SAXO1: variants seen among roughly 807,000 people sequenced by gnomAD.
SAXO1 encodes the protein stabilizer of axonemal microtubules 1.
In SAXO1, 21 loss-of-function variants were observed where a neutral mutation model predicts 17.5. The ratio of observed to expected loss-of-function variants is 1.20; its 90% CI spans 0.85 to 1.72. The LOEUF is 1.72. Among genes scored for constraint, SAXO1 ranks in the 40% most tolerant of loss-of-function variants. The pLI, the probability that SAXO1 is intolerant of heterozygous loss-of-function variation, is 0.00. For synonymous variants in SAXO1, 274 were observed against 216.5 expected, an observed-to-expected ratio of 1.27 and a Z score of -2.33; for missense variants, 843 against 596.0, an observed-to-expected ratio of 1.41 and a Z score of -4.32.
chr9:19,018,159 C>G (rs1167609683), intron 1 of SAXO1, among the ~76,000 whole-genome samples: 4 of 151,328 alleles, frequency 2.6e-5, no homozygotes, highest in African/African-American at 9.7e-5. Flanking sequence ...CAGAGCAAGA[C>G]CCCATCTCAA....
At chr9:19,004,496 G>T (rs1388192309) in intron 1 of SAXO1, among the ~76,000 whole-genome samples, 2 of 152,190 alleles carry the variant, frequency 1.3e-5, no homozygotes, top group Non-Finnish European at 2.9e-5. Flanking sequence ...ACTGGATAAA[G>T]AAAATGTGAC....
At chr9:19,024,537 T>C (rs535781963) in intron 1 of SAXO1, among the ~76,000 whole-genome samples, 3 of 152,188 alleles carry the variant, frequency 2.0e-5, no homozygotes, top group South Asian at 2.1e-4. Context: ...GGCACATGTA[T>C]AGATATGTAA....
At chr9:18,948,606 G>A (rs1320749286) in intron 2 of SAXO1, among the ~76,000 whole-genome samples, 3 of 152,244 alleles carry the variant, frequency 2.0e-5, no homozygotes, top group Non-Finnish European at 2.9e-5. Flanking sequence ...AGGTCAGAGG[G>A]TAAGTTTTTG....
intron 2 of SAXO1, among the ~76,000 whole-genome samples, chr9:18,942,947 T>C (rs1417100107): frequency 6.6e-6 from 1 of 152,206 alleles, no homozygotes. Flanking sequence ...TGCCAGAACA[T>C]CCCTGTCAAG....
intron 1 of SAXO1, among the ~76,000 whole-genome samples, chr9:18,997,489 C>G (rs1172776027): frequency 6.6e-6 from 1 of 152,232 alleles, no homozygotes; most frequent in African/African-American, 2.4e-5. Context: ...CCCACCACAG[C>G]TTAACAAGGC....
At chr9:19,027,517 C>T in intron 1 of SAXO1, 1 of 924,142 alleles carries the variant, frequency 1.1e-6, no homozygotes, top group South Asian at 1.3e-5. Flanking sequence ...GGTGCTGGCC[C>T]CCAGGGACGG....
chr9:18,997,429 C>G (rs539675322), intron 1 of SAXO1, among the ~76,000 whole-genome samples: 1 of 152,362 alleles, frequency 6.6e-6, no homozygotes, highest in South Asian at 2.1e-4. Flanking sequence ...GTAGGTAGTT[C>G]CATGCTCACA....
intron 1 of SAXO1, among the ~76,000 whole-genome samples, chr9:19,011,508 G>C (rs1278431669): frequency 1.3e-5 from 2 of 152,192 alleles, no homozygotes; most frequent in Non-Finnish European, 2.9e-5. Context: ...AAGCATCCAA[G>C]TTTCTTGTGT....
At position 18,989,979 on chromosome 9, in the gene SAXO1, T is replaced by C. The variant is rs374528041; in HGVS notation, c.39-39042A>G. Among the ~76,000 whole-genome samples, 113 of 152,354 alleles carry C rather than the reference T, an allele frequency of 7.4e-4. 1 individual carries two copies. In the Middle Eastern group the frequency reaches 0.014, roughly 18 times the overall value. ...ACAAAAGGAGTTTCTTTACCTATGC[T>C]ATCTTACTTGAACCATAAAACTGCC... On this transcript the variant is annotated intron_variant, in intron 1 of 3. Transcript: ENST00000380534.
chr9:18,950,409 C>G (rs1167728947), intron 2 of SAXO1, among the ~76,000 whole-genome samples: 1 of 152,098 alleles, frequency 6.6e-6, no homozygotes, highest in Non-Finnish European at 1.5e-5. Flanking sequence ...TTTCATGTAA[C>G]AAAGCCCAAA....
chr9:18,943,245 C>T (rs1389496358), intron 2 of SAXO1, among the ~76,000 whole-genome samples: 1 of 152,214 alleles, frequency 6.6e-6, no homozygotes, highest in Admixed American at 6.5e-5. Context: ...TCCCCTAACA[C>T]CCTCTGGGTA....
intron 1 of SAXO1, among the ~76,000 whole-genome samples, chr9:19,012,677 T>C (rs1393428123): frequency 6.6e-6 from 1 of 151,570 alleles, no homozygotes; most frequent in Non-Finnish European, 1.5e-5. Flanking sequence ...TCCCCTTGCT[T>C]AGAACTCAGA....
chr9:19,022,149 G>C (rs989406653), intron 1 of SAXO1, among the ~76,000 whole-genome samples: 2 of 152,206 alleles, frequency 1.3e-5, no homozygotes, highest in Admixed American at 1.3e-4. Context: ...CCCACGGGGA[G>C]AAACGAACAA....
At chr9:19,027,505 G>C (rs750222712) in intron 1 of SAXO1, 4 of 863,778 alleles carry the variant, frequency 4.6e-6, no homozygotes, top group Non-Finnish European at 6.0e-6. Flanking sequence ...ACATCCAAAA[G>C]GGGTGCTGGC....
At chr9:19,027,161 G>C in intron 1 of SAXO1, 1 of 1,172,918 alleles carries the variant, frequency 8.5e-7, no homozygotes, top group South Asian at 1.2e-5. Context: ...ATCAAGAGGA[G>C]GATGGTCCAA....
At chr9:18,930,498 A>C (rs10757000) in intron 3 of SAXO1, among the ~76,000 whole-genome samples, 121,595 of 150,568 alleles carry the variant, frequency 0.81, 49,346 homozygotes, top group Middle Eastern at 0.87. Flanking sequence ...GCACTGCTGG[A>C]ACTTTTTTTT....
intron 3 of SAXO1, among the ~76,000 whole-genome samples, chr9:18,930,148 A>G (rs1830977286): frequency 6.6e-6 from 1 of 152,188 alleles, no homozygotes; most frequent in Non-Finnish European, 1.5e-5. Context: ...TTCCAGATGG[A>G]GTAAAGGTTA....
chr9:18,957,518 C>T (rs1004156626), intron 1 of SAXO1, among the ~76,000 whole-genome samples: 30 of 152,160 alleles, frequency 2.0e-4, no homozygotes, highest in African/African-American at 6.5e-4. Flanking sequence ...GGATTTGCAG[C>T]CCATTTTTCC....
chr9:19,024,693 C>T (rs530945334), intron 1 of SAXO1, among the ~76,000 whole-genome samples: 3 of 152,228 alleles, frequency 2.0e-5, no homozygotes, highest in East Asian at 3.9e-4. Flanking sequence ...CTAAAGCCTT[C>T]CCCGGCTACC....
Sources: gnomAD v4.1 joint callset for allele counts (sites outside exome capture counted in the v4.1 genomes callset) on GRCh38, gnomAD v4.1.1 for gene constraint, MANE v1.5 for transcripts, NCBI Gene and HGNC (gene_info 2026-07-23, HGNC 2026-07-21) for gene names.